RBFOX1: variants seen among roughly 807,000 people sequenced by gnomAD.
RBFOX1 encodes the protein RNA binding protein fox-1 homolog 1.
RBFOX1 carries 8 observed loss-of-function variants against 57.7 expected under a neutral mutation model. That is an observed-to-expected ratio of 0.14 (90% confidence interval 0.08 to 0.25). The LOEUF is 0.25. Among genes scored for constraint, RBFOX1 ranks in the 10% least tolerant of loss-of-function variants. The pLI is 1.00. For missense variants in RBFOX1, 611 were observed against 548.5 expected (o/e 1.11, Z -1.14); for synonymous variants, 326 against 222.4 (o/e 1.47, Z -4.15).
intron 1 of RBFOX1, among the ~76,000 whole-genome samples, chr16:5,256,755 G>A (rs1214948703): frequency 2.0e-5 from 3 of 151,906 alleles, no homozygotes; most frequent in African/African-American, 7.3e-5. Flanking sequence ...GCCAATATGC[G>A]AAACCCTGCC....
chr16:5,275,299 G>T lies in RBFOX1; in HGVS notation c.219+35194G>T, dbSNP rs375859354. Among the ~76,000 whole-genome samples, 7 of 152,092 alleles carry T rather than the reference G, an allele frequency of 4.6e-5. No homozygotes were observed. In the East Asian group the frequency reaches 1.2e-3, roughly 25 times the overall value. ...CAAACATTGATCATTTCTTTGTGTT[G>T]GGAATATTTCAAAGCTTATTGCTAT... On this transcript the variant is annotated intron_variant, in intron 1 of 2. Coordinates refer to the RBFOX1 transcript ENST00000585867.
At chr16:6,742,865 A>G (rs1335499388) in intron 3 of RBFOX1, among the ~76,000 whole-genome samples, 2 of 152,178 alleles carry the variant, frequency 1.3e-5, no homozygotes, top group East Asian at 3.8e-4. Context: ...TACAGCATGA[A>G]GGAGAAATCT....
intron 10 of RBFOX1, among the ~76,000 whole-genome samples, chr16:7,615,463 G>T (rs545558626): frequency 1.3e-5 from 2 of 152,296 alleles, no homozygotes; most frequent in South Asian, 2.1e-4. Context: ...GAGAAGTATT[G>T]TTACCTTCGA....
intron 2 of RBFOX1, among the ~76,000 whole-genome samples, chr16:5,593,613 G>A (rs552705006): frequency 1.3e-5 from 2 of 152,148 alleles, no homozygotes; most frequent in African/African-American, 4.8e-5. Context: ...TCCCACCAGC[G>A]TCATGACAGA....
intron 3 of RBFOX1, among the ~76,000 whole-genome samples, chr16:6,877,108 C>G (rs1234587462): frequency 6.6e-6 from 1 of 152,112 alleles, no homozygotes; most frequent in Non-Finnish European, 1.5e-5. Flanking sequence ...ATAGGCAGTC[C>G]CGCTGAAGAG....
chr16:6,014,705 A>C (rs2094982701), upstream of RBFOX1, among the ~76,000 whole-genome samples: 1 of 152,174 alleles, frequency 6.6e-6, no homozygotes, highest in South Asian at 2.1e-4. Context: ...CTTGTGGGCA[A>C]AGTAGGTCTT....
chr16:7,351,119 G>A (rs1177903272), intron 4 of RBFOX1, among the ~76,000 whole-genome samples: 1 of 152,172 alleles, frequency 6.6e-6, no homozygotes, highest in Non-Finnish European at 1.5e-5. Context: ...CCTTGGGACT[G>A]GATCTCTCAC....
intron 3 of RBFOX1, among the ~76,000 whole-genome samples, chr16:7,028,616 A>G (rs1238673716): frequency 6.8e-6 from 1 of 147,024 alleles, no homozygotes; most frequent in Admixed American, 6.7e-5. Context: ...ACACAAAAAA[A>G]AAAAAAAAAA....
intron 14 of RBFOX1, among the ~76,000 whole-genome samples, chr16:7,682,853 T>G (rs1198795278): frequency 6.7e-6 from 1 of 148,970 alleles, no homozygotes; most frequent in South Asian, 2.2e-4. Flanking sequence ...TTTTTTGGGG[T>G]TTTTGCCTAT....
chr16:6,922,956 C>G (rs748079660), intron 3 of RBFOX1, among the ~76,000 whole-genome samples: 3 of 152,116 alleles, frequency 2.0e-5, no homozygotes, highest in Non-Finnish European at 2.9e-5. Flanking sequence ...CAGAACATAT[C>G]CAAATCAGAT....
chr16:5,251,997 G>A (rs1395207891), intron 1 of RBFOX1, among the ~76,000 whole-genome samples: 2 of 152,130 alleles, frequency 1.3e-5, no homozygotes, highest in African/African-American at 4.8e-5. Flanking sequence ...TGTATTCTAG[G>A]CCTGAGACTG....
intron 4 of RBFOX1, among the ~76,000 whole-genome samples, chr16:7,434,954 G>A (rs921920897): frequency 6.6e-5 from 10 of 152,068 alleles, no homozygotes; most frequent in South Asian, 2.1e-4. Context: ...TGGTGAGGCC[G>A]GTCTTGAACT....
chr16:6,362,349 A>G (rs1046270831), intron 2 of RBFOX1, among the ~76,000 whole-genome samples: 1 of 152,080 alleles, frequency 6.6e-6, no homozygotes. Flanking sequence ...ACATCTTACA[A>G]ATTTGATGAT....
At chr16:6,787,872 A>G (rs2082225178) in intron 3 of RBFOX1, among the ~76,000 whole-genome samples, 1 of 152,230 alleles carries the variant, frequency 6.6e-6, no homozygotes, top group African/African-American at 2.4e-5. Context: ...GTAACTCGAT[A>G]CTATAGAGAG....
chr16:7,208,069 T>G (rs1261422669), intron 4 of RBFOX1, among the ~76,000 whole-genome samples: 1 of 152,198 alleles, frequency 6.6e-6, no homozygotes, highest in Non-Finnish European at 1.5e-5. Flanking sequence ...ACATCAATCC[T>G]GCAACAGGGA....
intron 4 of RBFOX1, among the ~76,000 whole-genome samples, chr16:7,366,292 T>C (rs1161802504): frequency 6.6e-6 from 1 of 152,236 alleles, no homozygotes; most frequent in African/African-American, 2.4e-5. Flanking sequence ...TCAGAGAATG[T>C]CACTTAGCCA....
intron 3 of RBFOX1, among the ~76,000 whole-genome samples, chr16:6,931,224 T>C (rs544737761): frequency 6.6e-6 from 1 of 151,548 alleles, no homozygotes; most frequent in Admixed American, 6.6e-5. Flanking sequence ...TCTCTACTGA[T>C]GGGAATTAAG....
Position 7,012,411 on chromosome 16 carries a change from C to CCA in RBFOX1, c.-15-39643_-15-39642dup, listed in dbSNP as rs888012548. Reference sequence around the variant, plus strand: ...GTACTCATCCTTCAGGTTTCTGAGGCCACATGGGTGTGTCATAGGCAAGGA... The same window carrying CCA: ...GTACTCATCCTTCAGGTTTCTGAGGCCACACATGGGTGTGTCATAGGCAAGGA... On this transcript the variant is annotated intron_variant, in intron 3 of 15. Coordinates refer to ENST00000550418, the MANE Select transcript of RBFOX1 (RefSeq NM_018723.4). 3.0e-4 allele frequency among the ~76,000 whole-genome samples: 46 copies of CCA among 152,278 alleles called. 1 individual carries two copies. Among genetic ancestry groups the CCA allele is most frequent in the African/African-American group, 1.1e-3 (45 of 41,576 alleles).
intron 10 of RBFOX1, among the ~76,000 whole-genome samples, chr16:7,619,468 C>G (rs933008135): frequency 9.9e-5 from 15 of 150,978 alleles, no homozygotes; most frequent in African/African-American, 3.4e-4. Context: ...ATTTTCTACT[C>G]TCACCAAAAA....
Sources: allele counts gnomAD v4.1 joint callset (sites outside exome capture counted in the v4.1 genomes callset), GRCh38; gene constraint gnomAD v4.1.1; transcripts MANE v1.5; gene names NCBI Gene and HGNC (gene_info 2026-07-23, HGNC 2026-07-21).